The following TRPM3 variants were observed in gnomAD, a reference collection of about 807,000 sequenced individuals.
TRPM3 encodes the protein long transient receptor potential channel 3.
In TRPM3, 77 loss-of-function variants were observed where a neutral mutation model predicts 181.2. The observed-to-expected ratio is 0.42, with a 90% CI of 0.35 to 0.51. The LOEUF (loss-of-function observed/expected upper bound fraction) is 0.51, where lower values mean the gene tolerates loss of function less well. Ranked by LOEUF, TRPM3 falls within the 20% of genes least tolerant of loss-of-function variation. The pLI, the probability that TRPM3 is intolerant of heterozygous loss-of-function variation, is 0.01. For missense variants in TRPM3, 1,759 were observed against 2,196.7 expected, an observed-to-expected ratio of 0.80 and a Z score of 3.98; for synonymous variants, 745 against 796.4, an observed-to-expected ratio of 0.94 and a Z score of 1.09.
intron 1 of TRPM3, among the ~76,000 whole-genome samples, chr9:71,143,754 G>A (rs2075259268): frequency 6.6e-6 from 1 of 152,128 alleles, no homozygotes; most frequent in Non-Finnish European, 1.5e-5. Flanking sequence ...AGGTCTTTGA[G>A]GAATTGCCAC....
chr9:71,302,669 G>C (rs543088513), intron 1 of TRPM3, among the ~76,000 whole-genome samples: 1 of 152,158 alleles, frequency 6.6e-6, no homozygotes, highest in South Asian at 2.1e-4. Context: ...GCTTTTATTT[G>C]TAAGAGCTAG....
chr9:70,572,908 A>G (rs1190152620), intron 22 of TRPM3, among the ~76,000 whole-genome samples: 1 of 152,206 alleles, frequency 6.6e-6, no homozygotes, highest in Non-Finnish European at 1.5e-5. Context: ...GGCTTGTTCA[A>G]TTGTTCTCAA....
At chr9:71,207,509 T>G (rs2079197301) in intron 1 of TRPM3, among the ~76,000 whole-genome samples, 1 of 152,138 alleles carries the variant, frequency 6.6e-6, no homozygotes, top group African/African-American at 2.4e-5. Context: ...ATCAAATTGG[T>G]CATTATCTCC....
chr9:70,531,416 C>A lies in TRPM3; in HGVS notation c.*4537G>T, dbSNP rs2040858525. 6.6e-6 allele frequency: 1 copy of A among 152,142 alleles called. No homozygotes were observed. Among genetic ancestry groups the A allele is most frequent in the Admixed American group, 6.5e-5 (1 of 15,268 alleles). The allele number at this position is 152,142 out of a possible 1,614,324, so 9.4% of individuals were successfully genotyped here. ...TTCTTAACTGGCTTAAGCGTCACAG[C>A]AGGCAATAGTAAAATGTTAAGTGCC... On this transcript the variant is annotated 3_prime_UTR_variant, in exon 26 of 26. Transcript: ENST00000677713.
intron 12 of TRPM3, among the ~76,000 whole-genome samples, chr9:70,628,382 C>T (rs1036462763): frequency 2.6e-5 from 4 of 152,208 alleles, no homozygotes; most frequent in African/African-American, 9.7e-5. Context: ...GATTTCTTTC[C>T]AGTGAAAGGG....
At chr9:70,594,599 G>A (rs928657451) in intron 21 of TRPM3, among the ~76,000 whole-genome samples, 3 of 152,126 alleles carry the variant, frequency 2.0e-5, no homozygotes, top group African/African-American at 7.2e-5. Context: ...AGTGATTCTG[G>A]GCCTGCAGCA....
At chr9:71,336,736 T>C (rs372522042) in intron 1 of TRPM3, among the ~76,000 whole-genome samples, 1 of 152,180 alleles carries the variant, frequency 6.6e-6, no homozygotes, top group Non-Finnish European at 1.5e-5. Flanking sequence ...AACAGCATGG[T>C]ACTGGTACCA....
chr9:71,166,446 T>G (rs1393435239), intron 1 of TRPM3, among the ~76,000 whole-genome samples: 2 of 151,934 alleles, frequency 1.3e-5, no homozygotes, highest in East Asian at 3.9e-4. Flanking sequence ...GAAGTGAGGA[T>G]CTAGAGACCA....
chr9:70,551,063 T>A (rs1023686077), intron 24 of TRPM3, among the ~76,000 whole-genome samples: 2 of 152,244 alleles, frequency 1.3e-5, no homozygotes, highest in Non-Finnish European at 2.9e-5. Context: ...CTTATTCTGC[T>A]GGCACTTCAT....
chr9:70,598,404 G>A lies in TRPM3; in HGVS notation c.3048+15C>T. ...TCTGAAAACTTATAACATGGAATCA[G>A]AAGACCCTGCTTACCATTTTTCCAA... is the stretch of plus-strand genomic sequence containing the variant. On this transcript the variant is annotated intron_variant, in intron 21 of 25. Transcript: ENST00000677713. 1 of 1,610,440 alleles carries A rather than the reference G, an allele frequency of 6.2e-7. No individual in the cohort carries two copies. The highest frequency in any genetic ancestry group is 8.5e-7 in the Non-Finnish European group (1 of 1,177,008).
At chr9:71,067,671 A>G (rs644896) in intron 1 of TRPM3, among the ~76,000 whole-genome samples, 35,167 of 152,220 alleles carry the variant, frequency 0.23, 4,824 homozygotes, top group East Asian at 0.41. Context: ...TACTTAGGAC[A>G]GTGGTTAGCA....
intron 1 of TRPM3, among the ~76,000 whole-genome samples, chr9:70,870,843 C>T (rs73459206): frequency 1.3e-5 from 2 of 151,904 alleles, no homozygotes; most frequent in South Asian, 4.1e-4. Context: ...AACTATGTAG[C>T]TAATTTTTAT....
intron 1 of TRPM3, among the ~76,000 whole-genome samples, chr9:71,042,252 G>A (rs2058912318): frequency 6.6e-6 from 1 of 151,878 alleles, no homozygotes; most frequent in South Asian, 2.1e-4. Context: ...TTTGGGAAAT[G>A]CTGCATTGAA....
At chr9:71,366,324 C>T (rs769911101) in intron 1 of TRPM3, among the ~76,000 whole-genome samples, 1 of 152,118 alleles carries the variant, frequency 6.6e-6, no homozygotes, top group Non-Finnish European at 1.5e-5. Flanking sequence ...GAAGGAATGA[C>T]ACTTGGTGGG....
intron 1 of TRPM3, among the ~76,000 whole-genome samples, chr9:70,989,052 C>T (rs2097450643): frequency 6.6e-6 from 1 of 152,158 alleles, no homozygotes; most frequent in Non-Finnish European, 1.5e-5. Flanking sequence ...CTGTGCCAGA[C>T]TTCCAACCTA....
At chr9:70,994,417 G>A (rs1031434810) in intron 1 of TRPM3, among the ~76,000 whole-genome samples, 1 of 152,000 alleles carries the variant, frequency 6.6e-6, no homozygotes, top group Non-Finnish European at 1.5e-5. Flanking sequence ...CATGACTCCT[G>A]GGCTTGAAAA....
chr9:71,226,345 T>C (rs1040559574), intron 1 of TRPM3, among the ~76,000 whole-genome samples: 2 of 151,642 alleles, frequency 1.3e-5, no homozygotes, highest in East Asian at 1.9e-4. Flanking sequence ...AATAATAAGA[T>C]TGAATATAAA....
intron 1 of TRPM3, among the ~76,000 whole-genome samples, chr9:71,102,660 C>T (rs2068617618): frequency 1.3e-5 from 2 of 152,168 alleles, no homozygotes; most frequent in Admixed American, 6.5e-5. Flanking sequence ...AACTCAAATA[C>T]AATCCCTTTT....
At chr9:71,356,556 G>A (rs1316640637) in intron 1 of TRPM3, among the ~76,000 whole-genome samples, 1 of 152,064 alleles carries the variant, frequency 6.6e-6, no homozygotes, top group Non-Finnish European at 1.5e-5. Context: ...ACTTAGCTAA[G>A]CCTGTGTTTT....
Sources: allele counts gnomAD v4.1 joint callset (sites outside exome capture counted in the v4.1 genomes callset), GRCh38; gene constraint gnomAD v4.1.1; transcripts MANE v1.5; gene names NCBI Gene and HGNC (gene_info 2026-07-23, HGNC 2026-07-21).